PAX3: variants seen among roughly 807,000 people sequenced by gnomAD.
The protein encoded by PAX3 is paired box protein Pax-3.
PAX3 carries 14 observed loss-of-function variants against 51.6 expected under a neutral mutation model. The observed-to-expected ratio is 0.27, with a 90% CI of 0.18 to 0.42. The LOEUF (loss-of-function observed/expected upper bound fraction) is 0.42, where lower values mean the gene tolerates loss of function less well. Among genes scored for constraint, PAX3 ranks in the 10% least tolerant of loss-of-function variants. The pLI is 1.00. For synonymous variants in PAX3, 280 were observed against 253.4 expected (o/e 1.11, Z -1.00); for missense variants, 540 against 642.8 (o/e 0.84, Z 1.73).
chr2:222,255,010 T>C (rs1473420036), intron 4 of PAX3, among the ~76,000 whole-genome samples: 2 of 152,190 alleles, frequency 1.3e-5, no homozygotes, highest in African/African-American at 4.8e-5. Flanking sequence ...CTCAAACTCC[T>C]GACCTCAAGT....
At chr2:222,240,775 A>T (rs969377820) in intron 4 of PAX3, among the ~76,000 whole-genome samples, 9 of 152,208 alleles carry the variant, frequency 5.9e-5, no homozygotes, top group Non-Finnish European at 1.0e-4. Flanking sequence ...TTATGTGTGT[A>T]TATGTGTGTA....
At chr2:222,277,253 G>A (rs143812622) in intron 4 of PAX3, among the ~76,000 whole-genome samples, 1 of 152,208 alleles carries the variant, frequency 6.6e-6, no homozygotes, top group African/African-American at 2.4e-5. Flanking sequence ...GTGGCTGGGG[G>A]TTGGGGAGGC....
chr2:222,291,443 T>A (rs62186072), intron 4 of PAX3, among the ~76,000 whole-genome samples: 21,243 of 152,204 alleles, frequency 0.14, 1,831 homozygotes, highest in Non-Finnish European at 0.19. Context: ...GCGGCTCAGC[T>A]CTTGAATTGA....
Position 222,298,866 on chromosome 2 carries a change from G to A in PAX3, c.-251C>T, listed in dbSNP as rs1695456393. ...CCCGAGCCCAGGGCGGAAAAGTTTG[G>A]TACGAGTCTGGGCAAATGTTCCAGC... On this transcript the variant is annotated 5_prime_UTR_variant, in exon 1 of 9. Transcript: ENST00000392070. The A allele has an allele frequency of 1.7e-6, 1 of 580,736 alleles. No individual in the cohort carries two copies. Among genetic ancestry groups the A allele is most frequent in the Admixed American group, 3.0e-5 (1 of 33,402 alleles). The allele number at this position is 580,736 out of a possible 1,614,324, so 36.0% of individuals were successfully genotyped here. A position where few individuals can be genotyped will look rare whatever the true frequency, so the allele number is the denominator to read the frequency against.
intron 4 of PAX3, among the ~76,000 whole-genome samples, chr2:222,277,879 A>G (rs974887675): frequency 6.8e-6 from 1 of 147,892 alleles, no homozygotes; most frequent in African/African-American, 2.5e-5. Flanking sequence ...GGCTGCAGTG[A>G]GCTGAGATCA....
Position 222,200,772 on chromosome 2 carries a change from G to C in PAX3, c.*636C>G. 3.5e-6 allele frequency: 1 copy of C among 284,660 alleles called. No homozygotes were observed. The highest frequency in any genetic ancestry group is 5.2e-5 in the East Asian group (1 of 19,120). The allele number at this position is 284,660 out of a possible 1,614,324, so 17.6% of individuals were successfully genotyped here. A position where few individuals can be genotyped will look rare whatever the true frequency, so the allele number is the denominator to read the frequency against. On this transcript the variant is annotated 3_prime_UTR_variant, in exon 9 of 9. Transcript: ENST00000392070. ...TGTCCGGGCCATTTATTGACAACTA[G>C]ATTACAAATGAGGATACAGTAACAA...
chr2:222,273,263 G>A (rs866330358), intron 4 of PAX3, among the ~76,000 whole-genome samples: 1 of 152,122 alleles, frequency 6.6e-6, no homozygotes, highest in African/African-American at 2.4e-5. Context: ...TATGGAACAG[G>A]GTTGTGGCTT....
chr2:222,260,591 GTTTTTTTTTTTTTT>G lies in PAX3; in HGVS notation c.587-28322_587-28309del, dbSNP rs374339768. Among the ~76,000 whole-genome samples, 126 of 63,090 alleles carry G rather than the reference GTTTTTTTTTTTTTT, an allele frequency of 2.0e-3. 2 individuals carry two copies. In the South Asian group the frequency reaches 0.045, roughly 23 times the overall value. 41.4% of individuals were successfully genotyped at this position (63,090 alleles called of 152,430 possible). A position where few individuals can be genotyped will look rare whatever the true frequency, so the allele number is the denominator to read the frequency against. On this transcript the variant is annotated intron_variant, in intron 4 of 8. Coordinates refer to ENST00000392070, the MANE Select transcript of PAX3 (RefSeq NM_181458.4). ...TTTTTTTTTTTTGTTTTTTTTTTTT[GTTTTTTTTTTTTTT>G]TTTTGAGGCAAAGTCTCTCTCTGTT...
intron 7 of PAX3, among the ~76,000 whole-genome samples, chr2:222,209,799 G>T (rs946785252): frequency 2.8e-5 from 4 of 144,916 alleles, no homozygotes; most frequent in African/African-American, 7.7e-5. Context: ...GCTAAGGTAA[G>T]AGAATCACCT....
At chr2:222,232,398 A>G (rs971421497) in intron 4 of PAX3, 115 bp from the exon 5 acceptor site, 1 of 827,626 alleles carries the variant, frequency 1.2e-6, no homozygotes, top group African/African-American at 1.7e-5. Context: ...CCCTATACCT[A>G]AAGTAAAATA....
At chr2:222,204,555 AG>A (rs1385909508) in intron 7 of PAX3, among the ~76,000 whole-genome samples, 2 of 152,202 alleles carry the variant, frequency 1.3e-5, no homozygotes, top group Non-Finnish European at 2.9e-5. Flanking sequence ...CTTTCAAATC[AG>A]GAGTACATTT....
intron 4 of PAX3, among the ~76,000 whole-genome samples, chr2:222,288,988 TAATC>T (rs1366210970): frequency 6.6e-6 from 1 of 152,360 alleles, no homozygotes; most frequent in Non-Finnish European, 1.5e-5. Context: ...AACAGCTACT[TAATC>T]AATATTTGGC....
chr2:222,230,763 G>A (rs1692560728), intron 5 of PAX3, among the ~76,000 whole-genome samples: 1 of 149,666 alleles, frequency 6.7e-6, no homozygotes. Context: ...ACTGAGTCAG[G>A]AGAATCGCTT....
chr2:222,271,866 C>T (rs1266543425), intron 4 of PAX3, among the ~76,000 whole-genome samples: 2 of 152,160 alleles, frequency 1.3e-5, no homozygotes, highest in Admixed American at 6.5e-5. Flanking sequence ...ATGAAAGAAG[C>T]CTTCTAAAGC....
intron 7 of PAX3, among the ~76,000 whole-genome samples, chr2:222,205,913 A>C (rs1691486983): frequency 1.3e-5 from 2 of 152,162 alleles, no homozygotes; most frequent in African/African-American, 4.8e-5. Flanking sequence ...TGGTAAATGA[A>C]CTTCTTTGAA....
intron 1 of PAX3, 72 bp from the exon 2 acceptor site, chr2:222,297,285 C>T: frequency 3.3e-6 from 4 of 1,200,422 alleles, no homozygotes; most frequent in Non-Finnish European, 4.8e-6. Context: ...AACAGCAGCA[C>T]GTAATTTCGC....
intron 4 of PAX3, among the ~76,000 whole-genome samples, chr2:222,261,511 G>T (rs182124673): frequency 6.6e-6 from 1 of 151,194 alleles, no homozygotes; most frequent in Non-Finnish European, 1.5e-5. Flanking sequence ...GAAAAGATAC[G>T]AAGAAGATTG....
At position 222,212,951 on chromosome 2, in the gene PAX3, G is replaced by A. The variant is rs183146493; in HGVS notation, c.1173+7189C>T. On this transcript the variant is annotated intron_variant, in intron 7 of 8. Coordinates refer to ENST00000392070, the MANE Select transcript of PAX3 (RefSeq NM_181458.4). ...TAAGCAATAATGCTCATTTTTTTTC[G>A]ACTCAAAAGCTGGAGGAATTCAAAT... 1.4e-4 allele frequency among the ~76,000 whole-genome samples: 21 copies of A among 151,622 alleles called. No individual in the cohort carries two copies. The South Asian group carries it at 1.7e-3, about 12-fold the overall frequency.
chr2:222,210,855 T>C (rs1470315320), intron 7 of PAX3, among the ~76,000 whole-genome samples: 1 of 152,098 alleles, frequency 6.6e-6, no homozygotes, highest in Non-Finnish European at 1.5e-5. Flanking sequence ...AAAGTATATT[T>C]TTGTCAGAGA....
Sources: gnomAD v4.1 joint callset for allele counts (sites outside exome capture counted in the v4.1 genomes callset) on GRCh38, gnomAD v4.1.1 for gene constraint, MANE v1.5 for transcripts, NCBI Gene and HGNC (gene_info 2026-07-23, HGNC 2026-07-21) for gene names.